LRRTM4: variants seen among roughly 807,000 people sequenced by gnomAD.
LRRTM4 encodes the protein leucine-rich repeat transmembrane neuronal protein 4.
A neutral mutation model predicts 47.6 loss-of-function variants in LRRTM4; 25 were observed. That is an observed-to-expected ratio of 0.53 (90% CI 0.38 to 0.73). The LOEUF (loss-of-function observed/expected upper bound fraction) is 0.73. Among genes scored for constraint, LRRTM4 ranks in the 30% least tolerant of loss-of-function variants. LRRTM4 has a pLI of 0.00. For synonymous variants in LRRTM4, 311 were observed against 269.5 expected (o/e 1.15, Z -1.51); for missense variants, 638 against 713.4 (o/e 0.89, Z 1.20).
intron 3 of LRRTM4, among the ~76,000 whole-genome samples, chr2:77,441,568 C>T (rs930685178): frequency 3.3e-5 from 5 of 152,018 alleles, no homozygotes; most frequent in South Asian, 2.1e-4. Flanking sequence ...CTGTTCTCAC[C>T]TGTAAGATGG....
At chr2:77,305,895 C>T (rs1205268853) in intron 3 of LRRTM4, among the ~76,000 whole-genome samples, 1 of 151,918 alleles carries the variant, frequency 6.6e-6, no homozygotes, top group East Asian at 1.9e-4. Flanking sequence ...ATTCAGCATA[C>T]AATATTTTGA....
chr2:77,437,696 C>A (rs1290563448), intron 3 of LRRTM4, among the ~76,000 whole-genome samples: 2 of 151,992 alleles, frequency 1.3e-5, no homozygotes, highest in Non-Finnish European at 2.9e-5. Flanking sequence ...AATGTAAGGC[C>A]AGAATATTTA....
intron 3 of LRRTM4, among the ~76,000 whole-genome samples, chr2:77,411,451 C>CTTTT (rs138496739): frequency 2.1e-4 from 24 of 116,018 alleles, no homozygotes; most frequent in Non-Finnish European, 3.0e-4. Context: ...TCTCTTTCTT[C>CTTTT]TTTTTTTTTT....
chr2:77,345,414 T>C (rs537373206), intron 3 of LRRTM4, among the ~76,000 whole-genome samples: 1 of 151,922 alleles, frequency 6.6e-6, no homozygotes, highest in Admixed American at 6.6e-5. Flanking sequence ...AAAAGAACTT[T>C]TGTGAAGAAT....
At chr2:76,871,977 C>G (rs971033229) in intron 3 of LRRTM4, among the ~76,000 whole-genome samples, 3 of 152,194 alleles carry the variant, frequency 2.0e-5, no homozygotes, top group Non-Finnish European at 4.4e-5. Flanking sequence ...TAGCACAAGT[C>G]AGCAACTGGA....
intron 3 of LRRTM4, among the ~76,000 whole-genome samples, chr2:77,071,659 C>A (rs1156649906): frequency 1.3e-5 from 2 of 152,134 alleles, no homozygotes; most frequent in Admixed American, 6.5e-5. Flanking sequence ...AAGTTCTAAT[C>A]ACATAAAAAT....
At chr2:77,319,472 A>G (rs1677724842) in intron 3 of LRRTM4, among the ~76,000 whole-genome samples, 1 of 152,018 alleles carries the variant, frequency 6.6e-6, no homozygotes, top group African/African-American at 2.4e-5. Context: ...ATTTCACTCA[A>G]CCATCTCTTG....
chr2:76,969,225 T>C (rs1676139572), intron 3 of LRRTM4, among the ~76,000 whole-genome samples: 1 of 151,974 alleles, frequency 6.6e-6, no homozygotes, highest in Admixed American at 6.6e-5. Context: ...AGTAATAGCA[T>C]AGACCTTGTT....
intron 3 of LRRTM4, among the ~76,000 whole-genome samples, chr2:77,436,761 T>C (rs1675616059): frequency 6.6e-6 from 1 of 151,926 alleles, no homozygotes; most frequent in African/African-American, 2.4e-5. Flanking sequence ...TAAGTAATGA[T>C]CACATATTTT....
At chr2:77,079,074 A>T (rs1400208382) in intron 3 of LRRTM4, among the ~76,000 whole-genome samples, 1 of 152,200 alleles carries the variant, frequency 6.6e-6, no homozygotes, top group Non-Finnish European at 1.5e-5. Context: ...TAATACCATC[A>T]CATTGAGGGT....
intron 3 of LRRTM4, among the ~76,000 whole-genome samples, chr2:77,299,241 C>A: frequency 8.0e-6 from 1 of 125,700 alleles, no homozygotes; most frequent in East Asian, 2.2e-4. Flanking sequence ...CTCTCTCTCT[C>A]TTTATCTATA....
At position 77,391,966 on chromosome 2, in the gene LRRTM4, C is replaced by A. The variant is rs544088673; in HGVS notation, c.1551+126352G>T. On this transcript the variant is annotated intron_variant, in intron 3 of 3. Transcript: ENST00000409884. ...CTAAAAAGAGATCAAAGTATTTTAC[C>A]CCATAACATATTTCTTGACATATTT... Among the ~76,000 whole-genome samples the A allele has an allele frequency of 3.3e-5, 5 of 152,040 alleles. No homozygotes were observed. The South Asian group carries it at 8.3e-4, about 25-fold the overall frequency.
rs1674069834 is a variant in LRRTM4 at position 76,777,312 on chromosome 2, T to C, written c.1552-28396A>G. On this transcript the variant is annotated intron_variant, in intron 3 of 3. Coordinates refer to ENST00000409884, the MANE Select transcript of LRRTM4 (RefSeq NM_001134745.3). ...TCTGTGAAGAAAGGCATTGGTAGCT[T>C]GATGGGGATGGCATTGAATCTGTAA... Among the ~76,000 whole-genome samples, 2 of 143,494 alleles carry C rather than the reference T, an allele frequency of 1.4e-5. 1 individual carries two copies. Among genetic ancestry groups the C allele is most frequent in the East Asian group, 4.5e-4 (2 of 4,470 alleles). 94.1% of individuals were successfully genotyped at this position (143,494 alleles called of 152,430 possible). A position where few individuals can be genotyped will look rare whatever the true frequency, so the allele number is the denominator to read the frequency against.
chr2:77,187,589 C>T (rs888444245), intron 3 of LRRTM4, among the ~76,000 whole-genome samples: 4 of 151,536 alleles, frequency 2.6e-5, no homozygotes, highest in Middle Eastern at 3.2e-3. Flanking sequence ...CAAACCTGCA[C>T]GTTGTGTACA....
intron 3 of LRRTM4, among the ~76,000 whole-genome samples, chr2:77,215,889 G>C (rs771965511): frequency 1.1e-4 from 16 of 152,134 alleles, no homozygotes; most frequent in African/African-American, 1.7e-4. Flanking sequence ...ATGTTTATAA[G>C]TATTATTTCT....
chr2:77,212,967 C>T (rs2103927011), intron 3 of LRRTM4, among the ~76,000 whole-genome samples: 1 of 152,166 alleles, frequency 6.6e-6, no homozygotes, highest in South Asian at 2.1e-4. Context: ...CTTCACTGTA[C>T]TTCATTAGAA....
intron 3 of LRRTM4, among the ~76,000 whole-genome samples, chr2:77,106,726 G>A (rs1572968252): frequency 6.6e-6 from 1 of 151,744 alleles, no homozygotes; most frequent in Non-Finnish European, 1.5e-5. Flanking sequence ...AACAAAATAC[G>A]TATCTATAAG....
chr2:77,383,426 A>G (rs1434423379), intron 3 of LRRTM4, among the ~76,000 whole-genome samples: 1 of 151,900 alleles, frequency 6.6e-6, no homozygotes, highest in African/African-American at 2.4e-5. Flanking sequence ...TACCTTTCTT[A>G]TACGTGTTCC....
intron 3 of LRRTM4, among the ~76,000 whole-genome samples, chr2:76,785,475 G>C (rs1369882114): frequency 6.6e-6 from 1 of 152,090 alleles, no homozygotes; most frequent in Non-Finnish European, 1.5e-5. Context: ...TAGAAAAGCA[G>C]ATCATATGGG....
Sources: allele counts gnomAD v4.1 joint callset (sites outside exome capture counted in the v4.1 genomes callset), GRCh38; gene constraint gnomAD v4.1.1; transcripts MANE v1.5; gene names NCBI Gene and HGNC (gene_info 2026-07-23, HGNC 2026-07-21).